PGS1: variants seen among roughly 807,000 people sequenced by gnomAD.
PGS1 encodes the protein CDP-diacylglycerol--glycerol-3-phosphate 3-phosphatidyltransferase, mitochondrial.
A neutral mutation model predicts 58.3 loss-of-function variants in PGS1; 44 were observed. That is an observed-to-expected ratio of 0.75 (90% CI 0.59 to 0.97). The LOEUF (loss-of-function observed/expected upper bound fraction) is 0.97. PGS1 is among the 50% of genes least tolerant of loss of function. The pLI is 0.00. For synonymous variants in PGS1, 330 were observed against 311.0 expected, an observed-to-expected ratio of 1.06 and a Z score of -0.64; for missense variants, 684 against 731.1, an observed-to-expected ratio of 0.94 and a Z score of 0.74.
In PGS1 at chr17:78,390,318, AC is replaced by A. The variant is rs1334898474; in HGVS notation, c.144-2157del. Among the ~76,000 whole-genome samples, 98 of 88,506 alleles carry A rather than the reference AC, an allele frequency of 1.1e-3. 2 individuals carry two copies. Among genetic ancestry groups the A allele is most frequent in the African/African-American group, 4.2e-3 (94 of 22,554 alleles). The allele number at this position is 88,506 out of a possible 152,430, so 58.1% of individuals were successfully genotyped here. On this transcript the variant is annotated intron_variant, in intron 1 of 9. Transcript: ENST00000262764. ...GTGAGTGTCATCACCCCCTCTAGAGACGGGGGTGGGGGAGGAACAGCTGTTT... is the reference window on the plus strand; with the variant it reads ...GTGAGTGTCATCACCCCCTCTAGAGAGGGGGTGGGGGAGGAACAGCTGTTT...
chr17:78,401,903 C>G (rs189464693), intron 6 of PGS1, among the ~76,000 whole-genome samples: 29 of 151,914 alleles, frequency 1.9e-4, no homozygotes, highest in Non-Finnish European at 4.0e-4. Flanking sequence ...GATCCCTGGT[C>G]TAATGTAACG....
chr17:78,386,473 A>G (rs2082393198), intron 1 of PGS1, among the ~76,000 whole-genome samples: 1 of 152,214 alleles, frequency 6.6e-6, no homozygotes, highest in Non-Finnish European at 1.5e-5. Context: ...TCCTTCCCAT[A>G]ACTAGAACTG....
chr17:78,398,107 G>A (rs1312038351), intron 3 of PGS1, 145 bp from the exon 4 acceptor site: 2 of 742,600 alleles, frequency 2.7e-6, no homozygotes, highest in Non-Finnish European at 4.9e-6. Context: ...GATAGCTTTT[G>A]TGGTGTTGGT....
At chr17:78,390,329 G>T (rs961910108) in intron 1 of PGS1, among the ~76,000 whole-genome samples, 1 of 47,478 alleles carries the variant, frequency 2.1e-5, no homozygotes. Flanking sequence ...CGGGGGTGGG[G>T]GAGGAACAGC....
intron 8 of PGS1, among the ~76,000 whole-genome samples, chr17:78,415,694 CTT>C (rs1223334488): frequency 6.6e-6 from 1 of 152,182 alleles, no homozygotes; most frequent in Non-Finnish European, 1.5e-5. Flanking sequence ...CCCATTTTCT[CTT>C]TGAGGGAGAT....
At chr17:78,402,613 A>C (rs1303445282) in intron 6 of PGS1, among the ~76,000 whole-genome samples, 1 of 152,022 alleles carries the variant, frequency 6.6e-6, no homozygotes, top group African/African-American at 2.4e-5. Context: ...ACACCTGGCT[A>C]ATGTTTGTAC....
At chr17:78,381,859 C>A (rs2082060113) in intron 1 of PGS1, among the ~76,000 whole-genome samples, 1 of 152,172 alleles carries the variant, frequency 6.6e-6, no homozygotes, top group Non-Finnish European at 1.5e-5. Flanking sequence ...TAGCATCTGA[C>A]TCATTATCAT....
At chr17:78,395,965 C>T (rs925811843) in intron 2 of PGS1, among the ~76,000 whole-genome samples, 13 of 152,246 alleles carry the variant, frequency 8.5e-5, no homozygotes, top group African/African-American at 2.9e-4. Context: ...GTCTCAAACT[C>T]CTGGCTTCAA....
chr17:78,410,107 A>C (rs1159418526), intron 7 of PGS1, among the ~76,000 whole-genome samples: 2 of 47,646 alleles, frequency 4.2e-5, no homozygotes, highest in Admixed American at 2.8e-4. Context: ...CGTCTCAAAA[A>C]CAAAACAAAA....
chr17:78,423,482 TTG>T (rs2086143624), intron 9 of PGS1, among the ~76,000 whole-genome samples: 4 of 152,136 alleles, frequency 2.6e-5, no homozygotes, highest in Admixed American at 6.5e-5. Flanking sequence ...GGCAGGTGGT[TTG>T]CATGAAGCAT....
At chr17:78,418,303 C>T (rs928529350) in intron 8 of PGS1, among the ~76,000 whole-genome samples, 1 of 152,082 alleles carries the variant, frequency 6.6e-6, no homozygotes, top group African/African-American at 2.4e-5. Flanking sequence ...TTAAGAAAAA[C>T]GGAAAGAAAC....
intron 3 of PGS1, among the ~76,000 whole-genome samples, chr17:78,397,390 C>A (rs570350354): frequency 2.4e-4 from 36 of 151,712 alleles, no homozygotes; most frequent in African/African-American, 7.7e-4. Context: ...GAGGGAGGTG[C>A]AGTGGGTTCA....
At chr17:78,394,053 T>C (rs9892707) in intron 2 of PGS1, among the ~76,000 whole-genome samples, 1 of 150,924 alleles carries the variant, frequency 6.6e-6, no homozygotes, top group Admixed American at 6.7e-5. Context: ...ACACCTGTGG[T>C]CCTAGCTAGT....
Position 78,400,552 on chromosome 17 carries a change from T to G in PGS1, c.702-125T>G, listed in dbSNP as rs2083576865. On this transcript the variant is annotated intron_variant, in intron 5 of 9. Transcript: ENST00000262764. This position sits in a 1 kb window ranked among gnomAD's most constrained non-coding sequence, Gnocchi z 4.4. ...ACGTGTTCATTGCTGAGTAGCTATT[T>G]GTTAACTGCATCTTGACCTGAGTTT... 2.6e-6 allele frequency: 2 copies of G among 755,372 alleles called. No individual in the cohort carries two copies. Among genetic ancestry groups the G allele is most frequent in the Non-Finnish European group, 2.3e-6 (1 of 438,442 alleles). The allele number at this position is 755,372 out of a possible 1,614,324, so 46.8% of individuals were successfully genotyped here. A position where few individuals can be genotyped will look rare whatever the true frequency, so the allele number is the denominator to read the frequency against.
At chr17:78,409,893 C>A (rs904770115) in intron 7 of PGS1, among the ~76,000 whole-genome samples, 2 of 152,224 alleles carry the variant, frequency 1.3e-5, no homozygotes, top group East Asian at 3.8e-4. Context: ...GGCGGATCAC[C>A]TGAGGCCAGA....
At chr17:78,402,043 GTGT>G (rs148885306) in intron 6 of PGS1, among the ~76,000 whole-genome samples, 93,145 of 151,748 alleles carry the variant, frequency 0.61, 28,660 homozygotes, top group Admixed American at 0.65. Context: ...GAGGCTCAGG[GTGT>G]GCGCAGGGCC....
chr17:78,382,118 G>C (rs370893033), intron 1 of PGS1, among the ~76,000 whole-genome samples: 1 of 152,154 alleles, frequency 6.6e-6, no homozygotes, highest in African/African-American at 2.4e-5. Context: ...GTGAAGAAGA[G>C]GGGGAGTGGA....
intron 1 of PGS1, among the ~76,000 whole-genome samples, chr17:78,390,622 C>G (rs768019554): frequency 4.6e-5 from 7 of 152,194 alleles, no homozygotes; most frequent in Non-Finnish European, 8.8e-5. Flanking sequence ...TCCTCTCCCC[C>G]ACGTCCCTCT....
At chr17:78,389,273 G>A (rs1011147368) in intron 1 of PGS1, among the ~76,000 whole-genome samples, 3 of 151,476 alleles carry the variant, frequency 2.0e-5, no homozygotes, top group African/African-American at 4.9e-5. Context: ...TGCAACCTCC[G>A]CCTCCCAGTT....
Sources: allele counts gnomAD v4.1 joint callset (sites outside exome capture counted in the v4.1 genomes callset), GRCh38; gene constraint gnomAD v4.1.1; non-coding constraint Gnocchi (gnomAD v3.1); transcripts MANE v1.5; gene names NCBI Gene and HGNC (gene_info 2026-07-23, HGNC 2026-07-21).